KCNH5: variants seen among roughly 807,000 people sequenced by gnomAD.
KCNH5 encodes the protein potassium voltage-gated channel subfamily H member 5, also known as voltage-gated delayed rectifier potassium channel KCNH5.
In KCNH5, 46 loss-of-function variants were observed where a neutral mutation model predicts 96.1. The observed-to-expected ratio is 0.48, with a 90% CI of 0.38 to 0.61. The LOEUF is 0.61. KCNH5 is among the 20% of genes least tolerant of loss of function. KCNH5 has a pLI of 0.00. For missense variants in KCNH5, 907 were observed against 1,225.8 expected, an observed-to-expected ratio of 0.74 and a Z score of 3.88; for synonymous variants, 439 against 449.8, an observed-to-expected ratio of 0.98 and a Z score of 0.30.
chr14:63,006,494 C>A lies in KCNH5; in HGVS notation c.198-22G>T, dbSNP rs138796518. The A allele has an allele frequency of 4.3e-4, 585 of 1,374,292 alleles. 4 individuals are homozygous for A. The African/African-American group carries it at 7.4e-3, about 17-fold the overall frequency. 85.1% of individuals were successfully genotyped at this position (1,374,292 alleles called of 1,614,324 possible). A position where few individuals can be genotyped will look rare whatever the true frequency, so the allele number is the denominator to read the frequency against. On this transcript the variant is annotated intron_variant, in intron 2 of 10. Transcript: ENST00000322893. ...AAAACTGGGGGGGAAAAAAAACAAACAATCGATTTCACTTTTGTGTTGCCT... is the reference window on the plus strand; with the variant it reads ...AAAACTGGGGGGGAAAAAAAACAAAAAATCGATTTCACTTTTGTGTTGCCT...
intron 7 of KCNH5, among the ~76,000 whole-genome samples, chr14:62,936,021 A>G (rs1889673403): frequency 6.6e-6 from 1 of 152,216 alleles, no homozygotes; most frequent in Non-Finnish European, 1.5e-5. Context: ...CAGAGAAGAA[A>G]TAGCAAGAGA....
At chr14:62,904,580 C>T (rs1231911977) in intron 7 of KCNH5, among the ~76,000 whole-genome samples, 2 of 151,932 alleles carry the variant, frequency 1.3e-5, no homozygotes, top group Non-Finnish European at 2.9e-5. Context: ...CAATACTCAA[C>T]ACACACACAC....
Position 62,980,745 on chromosome 14 carries a change from C to G in KCNH5, c.942+127G>C, listed in dbSNP as rs939787740. The stretch of plus-strand genomic sequence containing the variant: ...GGTAATCAAATATAATAACTTTTGG[C>G]AAGGGTTTCAAGAAAGTTGAAAGTG... On this transcript the variant is annotated intron_variant, in intron 6 of 10. Coordinates refer to ENST00000322893, the MANE Select transcript of KCNH5 (RefSeq NM_139318.5). 1.2e-5 allele frequency: 11 copies of G among 945,090 alleles called. No individual in the cohort carries two copies. In the Admixed American group the frequency reaches 2.3e-4, roughly 20 times the overall value. 58.5% of individuals were successfully genotyped at this position (945,090 alleles called of 1,614,324 possible).
intron 6 of KCNH5, among the ~76,000 whole-genome samples, chr14:62,954,704 A>G (rs1352139682): frequency 2.0e-5 from 3 of 152,200 alleles, no homozygotes; most frequent in Admixed American, 2.0e-4. Context: ...CTGCCGATAA[A>G]GACATACCCA....
intron 8 of KCNH5, among the ~76,000 whole-genome samples, chr14:62,810,705 C>T (rs2140007211): frequency 6.6e-6 from 1 of 152,166 alleles, no homozygotes; most frequent in East Asian, 1.9e-4. Context: ...AAAGGGGAAG[C>T]ATGAATAATC....
At chr14:62,980,290 T>C (rs943128560) in intron 6 of KCNH5, among the ~76,000 whole-genome samples, 2 of 152,150 alleles carry the variant, frequency 1.3e-5, no homozygotes, top group Non-Finnish European at 2.9e-5. Flanking sequence ...TCAGACAAAA[T>C]GTAAAGCAAA....
intron 10 of KCNH5, chr14:62,712,796 G>T: frequency 1.4e-6 from 1 of 728,586 alleles, no homozygotes; most frequent in South Asian, 1.5e-5. Context: ...AGAGCTTTGT[G>T]CGAGGCAGTC....
chr14:63,019,592 T>A lies in KCNH5; in HGVS notation c.74-2638A>T, dbSNP rs78509336. Among the ~76,000 whole-genome samples, 46 of 152,078 alleles carry A rather than the reference T, an allele frequency of 3.0e-4. No individual in the cohort carries two copies. The East Asian group carries it at 7.9e-3, about 26-fold the overall frequency. On this transcript the variant is annotated intron_variant, in intron 1 of 10. Coordinates refer to ENST00000322893, the MANE Select transcript of KCNH5 (RefSeq NM_139318.5). Reference sequence around the variant, plus strand: ...TGCCACGCCAACTGAATAGGTAAAGTCTTTTTCAATGAATTTTATTGAAAC... The same window carrying A: ...TGCCACGCCAACTGAATAGGTAAAGACTTTTTCAATGAATTTTATTGAAAC...
chr14:62,816,239 CACA>C (rs769561401), intron 8 of KCNH5, among the ~76,000 whole-genome samples: 51 of 151,810 alleles, frequency 3.4e-4, no homozygotes, highest in Non-Finnish European at 1.0e-4. Context: ...AACATTTTTT[CACA>C]ACACTAACAC....
At chr14:63,034,307 G>A (rs1411487164) in intron 1 of KCNH5, among the ~76,000 whole-genome samples, 1 of 152,152 alleles carries the variant, frequency 6.6e-6, no homozygotes, top group Non-Finnish European at 1.5e-5. Context: ...AAAATCTGAA[G>A]CATATATAGC....
At chr14:62,812,473 A>C (rs959253248) in intron 8 of KCNH5, among the ~76,000 whole-genome samples, 2 of 152,170 alleles carry the variant, frequency 1.3e-5, no homozygotes, top group Non-Finnish European at 2.9e-5. Context: ...TGTATACATG[A>C]AAAGGACCTG....
At chr14:63,000,208 A>C (rs956946708) in intron 4 of KCNH5, among the ~76,000 whole-genome samples, 1 of 152,200 alleles carries the variant, frequency 6.6e-6, no homozygotes, top group Non-Finnish European at 1.5e-5. Flanking sequence ...GAAAGATTAA[A>C]GTTTCTATGC....
intron 9 of KCNH5, among the ~76,000 whole-genome samples, chr14:62,788,109 T>C (rs181042333): frequency 5.9e-5 from 9 of 152,306 alleles, no homozygotes; most frequent in African/African-American, 2.2e-4. Flanking sequence ...GGAAATCTTC[T>C]GGAGAACATT....
chr14:62,717,205 T>C (rs1884704866), intron 10 of KCNH5, among the ~76,000 whole-genome samples: 2 of 152,286 alleles, frequency 1.3e-5, no homozygotes, highest in African/African-American at 2.4e-5. Flanking sequence ...AACATGGCAA[T>C]ACTACCCAAG....
At chr14:62,867,052 G>A (rs1160210166) in intron 7 of KCNH5, among the ~76,000 whole-genome samples, 5 of 151,990 alleles carry the variant, frequency 3.3e-5, no homozygotes, top group Non-Finnish European at 7.4e-5. Context: ...GCCCCAAATG[G>A]GATACAGCTT....
At chr14:63,012,938 G>A (rs1426147398) in intron 2 of KCNH5, among the ~76,000 whole-genome samples, 1 of 150,776 alleles carries the variant, frequency 6.6e-6, no homozygotes, top group Non-Finnish European at 1.5e-5. Context: ...ACACACTTTA[G>A]AATTAATAAC....
chr14:62,779,316 A>G (rs1366498104), intron 10 of KCNH5, among the ~76,000 whole-genome samples: 1 of 152,230 alleles, frequency 6.6e-6, no homozygotes, highest in Non-Finnish European at 1.5e-5. Flanking sequence ...ACGAAATGAG[A>G]AGTGCCTAAA....
rs1466147330 is a variant in KCNH5 at position 62,708,307 on chromosome 14, C to A, written c.2168G>T (p.Gly723Val). The A allele has an allele frequency of 6.2e-7, 1 of 1,614,020 alleles. No homozygotes were observed. The highest frequency in any genetic ancestry group is 8.5e-7 in the Non-Finnish European group (1 of 1,180,044). ...CCTCTCAGGGTCACCCTGTGTTGAG[C>A]CCTGATTCCGCAGCTCCTTCTGCTG... is the stretch of plus-strand genomic sequence containing the variant. The part of the protein sequence containing the change: ...FKQQKELRNQ[G>V]STQGDPERNQ... The change falls in exon 11 of 11, where the codon GGC becomes GTC. Residue 723 changes from glycine (G) to valine (V), a missense_variant. By Grantham distance (109) the Gly-to-Val change is moderately radical. This residue lies in a region of KCNH5 where 362 missense variants were observed against 394.4 expected (regional missense o/e 0.92). Coordinates refer to ENST00000322893, the MANE Select transcript of KCNH5 (RefSeq NM_139318.5).
At chr14:62,925,634 A>G (rs1889460706) in intron 7 of KCNH5, among the ~76,000 whole-genome samples, 1 of 152,066 alleles carries the variant, frequency 6.6e-6, no homozygotes, top group Non-Finnish European at 1.5e-5. Context: ...CCCCTGGCAC[A>G]TATACCTGAT....
Sources: gnomAD v4.1 joint callset for allele counts (sites outside exome capture counted in the v4.1 genomes callset) on GRCh38, gnomAD v4.1.1 for gene constraint, gnomAD v4.1.1 regional missense constraint, MANE v1.5 for transcripts, NCBI Gene and HGNC (gene_info 2026-07-23, HGNC 2026-07-21) for gene names.